CELF2: variants seen among roughly 807,000 people sequenced by gnomAD.
CELF2 encodes CUG triplet repeat RNA-binding protein 2.
CELF2 carries 8 observed loss-of-function variants against 62.6 expected under a neutral mutation model. The ratio of observed to expected loss-of-function variants is 0.13; its 90% CI spans 0.07 to 0.23. The LOEUF is 0.23. CELF2 is among the 10% of genes least tolerant of loss of function. The pLI, the probability that CELF2 is intolerant of heterozygous loss-of-function variation, is 1.00. For synonymous variants in CELF2, 258 were observed against 250.0 expected (o/e 1.03, Z -0.30); for missense variants, 333 against 671.0 (o/e 0.50, Z 5.56).
At chr10:10,594,440 C>T in the CELF2 span, among the ~76,000 whole-genome samples, 11 of 152,156 alleles carry the variant, frequency 7.2e-5, no homozygotes, top group African/African-American at 1.4e-4. Flanking sequence ...CTGCATAGTG[C>T]GAAACTCTGG....
chr10:10,616,295 G>T, the CELF2 span, among the ~76,000 whole-genome samples: 1 of 143,864 alleles, frequency 7.0e-6, no homozygotes, highest in Admixed American at 7.0e-5. Context: ...TTTTGTTTGG[G>T]GTGTGTGTGT....
chr10:10,781,703 A>G, the CELF2 span, among the ~76,000 whole-genome samples: 1 of 152,188 alleles, frequency 6.6e-6, no homozygotes, highest in Non-Finnish European at 1.5e-5. Context: ...TCACATCAGT[A>G]GCCTAGGTGT....
At chr10:10,964,644 C>T (rs1193742615) in intron 2 of CELF2, among the ~76,000 whole-genome samples, 1 of 152,140 alleles carries the variant, frequency 6.6e-6, no homozygotes, top group Non-Finnish European at 1.5e-5. Flanking sequence ...TTCTCTTGTA[C>T]ATTTTCAGAT....
At position 11,008,575 on chromosome 10, in the gene CELF2, T is replaced by C. The variant is rs924195557; in HGVS notation, c.53+3135T>C. Among the ~76,000 whole-genome samples the C allele has an allele frequency of 6.6e-6, 1 of 152,194 alleles. No homozygotes were observed. The highest frequency in any genetic ancestry group is 1.5e-5 in the Non-Finnish European group (1 of 68,026). On this transcript the variant is annotated intron_variant, in intron 1 of 12. Transcript: ENST00000416382. The surrounding 1 kb of genome is among the most constrained non-coding windows in gnomAD (Gnocchi z 4.5). ...AGTCATTCAAAGAGTGAATCAATACTAATTATTGTAATCAGGGGGGTTAAT... is the reference window on the plus strand; with the variant it reads ...AGTCATTCAAAGAGTGAATCAATACCAATTATTGTAATCAGGGGGGTTAAT...
At chr10:10,702,102 A>G in the CELF2 span, among the ~76,000 whole-genome samples, 1 of 152,158 alleles carries the variant, frequency 6.6e-6, no homozygotes, top group Non-Finnish European at 1.5e-5. Flanking sequence ...TTCCTTAATT[A>G]GTTTTAGCTT....
the CELF2 span, among the ~76,000 whole-genome samples, chr10:10,604,855 T>C: frequency 6.6e-6 from 1 of 152,240 alleles, no homozygotes; most frequent in Admixed American, 6.5e-5. Context: ...ACCATTTTAT[T>C]TCTATCTTCT....
the CELF2 span, among the ~76,000 whole-genome samples, chr10:10,590,551 A>G: frequency 1.3e-5 from 2 of 152,282 alleles, no homozygotes; most frequent in Non-Finnish European, 2.9e-5. Flanking sequence ...TTCCCTTCTG[A>G]TAACTTTCCT....
At chr10:10,507,194 A>G in the CELF2 span, among the ~76,000 whole-genome samples, 2,089 of 152,178 alleles carry the variant, frequency 0.014, 44 homozygotes, top group East Asian at 0.076. Context: ...ATAAACAGCC[A>G]GTTTTACTGA....
chr10:10,696,659 C>T, the CELF2 span, among the ~76,000 whole-genome samples: 7 of 151,892 alleles, frequency 4.6e-5, no homozygotes, highest in Non-Finnish European at 8.8e-5. Context: ...AGTGAGATTC[C>T]GTGGGTGTAG....
intron 1 of CELF2, among the ~76,000 whole-genome samples, chr10:11,084,433 T>C (rs1055936293): frequency 6.6e-6 from 1 of 152,218 alleles, no homozygotes; most frequent in Admixed American, 6.5e-5. Context: ...TACAAAATGC[T>C]ACATTAGAGT....
the CELF2 span, among the ~76,000 whole-genome samples, chr10:10,611,932 A>G: frequency 1.3e-5 from 2 of 152,178 alleles, no homozygotes; most frequent in African/African-American, 2.4e-5. Flanking sequence ...GATCCATACC[A>G]TTGTCTAAAC....
chr10:10,602,741 A>C, the CELF2 span, among the ~76,000 whole-genome samples: 8 of 152,136 alleles, frequency 5.3e-5, no homozygotes, highest in South Asian at 2.1e-4. Flanking sequence ...ATGAGCATAC[A>C]TGCATTTCTA....
Position 11,316,031 on chromosome 10 carries a change from C to T in CELF2, c.1096+1773C>T, listed in dbSNP as rs913862328. Among the ~76,000 whole-genome samples the T allele has an allele frequency of 1.3e-5, 2 of 152,220 alleles. No homozygotes were observed. Among genetic ancestry groups the T allele is most frequent in the African/African-American group, 4.8e-5 (2 of 41,464 alleles). ...TCCTCTCGTCTGCGTCCCGCCCTGT[C>T]CACGCTGCTCTGCTCTGCATTGCTG... On this transcript the variant is annotated intron_variant, in intron 10 of 12. Coordinates refer to ENST00000633077, the MANE Select transcript of CELF2 (RefSeq NM_001326342.2). The surrounding 1 kb of genome is among the most constrained non-coding windows in gnomAD (Gnocchi z 4.4).
chr10:10,616,756 G>A, the CELF2 span, among the ~76,000 whole-genome samples: 1 of 149,756 alleles, frequency 6.7e-6, no homozygotes, highest in Non-Finnish European at 1.5e-5. Context: ...ATCTTATTCT[G>A]TCACTCAGGC....
intron 1 of CELF2, among the ~76,000 whole-genome samples, chr10:11,158,680 G>A (rs912474480): frequency 6.6e-5 from 10 of 152,064 alleles, no homozygotes; most frequent in African/African-American, 1.9e-4. Flanking sequence ...TTGAAATAAG[G>A]TAATAAGGTT....
chr10:11,287,331 A>G (rs1358712264), intron 8 of CELF2, among the ~76,000 whole-genome samples: 1 of 152,068 alleles, frequency 6.6e-6, no homozygotes, highest in East Asian at 1.9e-4. Context: ...AATCATAGAA[A>G]CATAATTTGA....
At chr10:11,091,982 T>C (rs2048451528) in intron 1 of CELF2, among the ~76,000 whole-genome samples, 1 of 152,190 alleles carries the variant, frequency 6.6e-6, no homozygotes, top group Admixed American at 6.5e-5. Context: ...ATAATACTGA[T>C]CAATATCCTA....
chr10:10,757,965 G>A, the CELF2 span, among the ~76,000 whole-genome samples: 1 of 152,208 alleles, frequency 6.6e-6, no homozygotes, highest in African/African-American at 2.4e-5. Flanking sequence ...CTCTCTGTTT[G>A]TGGTTGGGTT....
chr10:10,836,295 A>G (rs968944244), intron 1 of CELF2, among the ~76,000 whole-genome samples: 3 of 152,214 alleles, frequency 2.0e-5, no homozygotes, highest in African/African-American at 7.2e-5. Context: ...AGCAAATAAG[A>G]GTAGCTGGAG....
Sources: gnomAD v4.1 joint callset for allele counts (sites outside exome capture counted in the v4.1 genomes callset) on GRCh38, gnomAD v4.1.1 for gene constraint, Gnocchi (gnomAD v3.1) non-coding constraint, MANE v1.5 for transcripts, NCBI Gene and HGNC (gene_info 2026-07-23, HGNC 2026-07-21) for gene names.